GUSB: variants seen among roughly 807,000 people sequenced by gnomAD.
GUSB encodes the protein glucuronidase beta, also known as beta-glucuronidase.
GUSB carries 51 observed loss-of-function variants against 74.6 expected under a neutral mutation model. That is an observed-to-expected ratio of 0.68 (90% CI 0.55 to 0.86). GUSB has a LOEUF of 0.86. GUSB is among the 40% of genes least tolerant of loss of function. GUSB has a pLI of 0.00. For synonymous variants in GUSB, 360 were observed against 348.3 expected (o/e 1.03, Z -0.37); for missense variants, 736 against 853.7 (o/e 0.86, Z 1.72).
At chr7:65,973,594 G>C (rs991427822) in intron 8 of GUSB, among the ~76,000 whole-genome samples, 1 of 150,564 alleles carries the variant, frequency 6.6e-6, no homozygotes, top group East Asian at 2.0e-4. Flanking sequence ...TCATAAAAAG[G>C]AAAAAAGGAA....
chr7:65,975,035 A>C lies in GUSB; in HGVS notation c.949T>G (p.Ser317Ala). The C allele has an allele frequency of 6.2e-7, 1 of 1,613,568 alleles. No homozygotes were observed. The highest frequency in any genetic ancestry group is 1.7e-4 in the Middle Eastern group (1 of 6,004). Residue 317 changes from serine (S) to alanine (A), a missense_variant, in exon 6 of 12, where the codon TCT (serine) becomes GCT (alanine). Coordinates refer to ENST00000304895, the MANE Select transcript of GUSB (RefSeq NM_000181.4). Reference protein sequence around the residue: ...LTAQTSLGPVSDFYTLPVGIR... With the variant: ...LTAQTSLGPVADFYTLPVGIR... Reference sequence around the variant, plus strand: ...CCCACAGGGAGTGTGTAGAAGTCAGACACAGGCCCCAGTGACGTCTGTGCA... The same window carrying C: ...CCCACAGGGAGTGTGTAGAAGTCAGCCACAGGCCCCAGTGACGTCTGTGCA...
chr7:65,981,888 G>C, intron 1 of GUSB, 86 bp downstream of exon 1: 1 of 1,216,006 alleles, frequency 8.2e-7, no homozygotes, highest in Non-Finnish European at 1.1e-6. Context: ...GAGACGCCCA[G>C]GGGAAGAAGT....
intron 2 of GUSB, 39 bp downstream of exon 2, chr7:65,980,185 G>A (rs765956970): frequency 7.2e-5 from 52 of 727,160 alleles, no homozygotes; most frequent in South Asian, 1.2e-4. Context: ...CAGCAGCCGT[G>A]CCCCCCCACC....
chr7:65,962,913 C>CA (rs1193060385), intron 11 of GUSB, among the ~76,000 whole-genome samples: 1 of 151,930 alleles, frequency 6.6e-6, no homozygotes, highest in African/African-American at 2.4e-5. Context: ...AGCTGGAGTA[C>CA]AGTGCTGTGA....
intron 10 of GUSB, 34 bp from the exon 11 acceptor site, chr7:65,964,492 G>C (rs1266758027): frequency 6.2e-7 from 1 of 1,600,592 alleles, no homozygotes; most frequent in African/African-American, 1.3e-5. Flanking sequence ...GTAAGAGTCA[G>C]AACTGGCAGA....
chr7:65,971,235 A>G (rs563093350), intron 8 of GUSB, among the ~76,000 whole-genome samples: 1 of 152,310 alleles, frequency 6.6e-6, no homozygotes, highest in African/African-American at 2.4e-5. Flanking sequence ...GCATGGGGCT[A>G]GGTGCGAGGT....
chr7:65,976,000 C>T lies in GUSB; in HGVS notation c.912+15G>A. 6.2e-7 allele frequency: 1 copy of T among 1,611,510 alleles called. No individual in the cohort carries two copies. The highest frequency in any genetic ancestry group is 1.7e-4 in the Middle Eastern group (1 of 6,054). Reference sequence around the variant, plus strand: ...GCAAAAGACCTCCCTTAGGCATGTCCCAAACCACCATTACCTCCAATGAAT... The same window carrying T: ...GCAAAAGACCTCCCTTAGGCATGTCTCAAACCACCATTACCTCCAATGAAT... On this transcript the variant is annotated intron_variant, in intron 5 of 11. Transcript: ENST00000304895.
intron 7 of GUSB, 41 bp from the exon 8 acceptor site, chr7:65,974,482 C>A: frequency 6.2e-7 from 1 of 1,613,974 alleles, no homozygotes; most frequent in East Asian, 2.2e-5. Flanking sequence ...CACGGTGACG[C>A]CCCCGGGCTG....
chr7:65,981,987 C>T lies in GUSB; in HGVS notation c.197G>A (p.Arg66Gln). Reference sequence around the variant, plus strand: ...CCGAGATCGCACCTCCCACAGCGGCCGCCGGTACCACTGCTCCTCGAAGCC... The same window carrying T: ...CCGAGATCGCACCTCCCACAGCGGCTGCCGGTACCACTGCTCCTCGAAGCC... ...RRGFEEQWYR[R>Q]PLWESGPTVD... Residue 66 changes from arginine (R) to glutamine (Q), a missense_variant, in exon 1 of 12, where the codon CGG becomes CAG. Arg to Gln is a conservative substitution (Grantham distance 43). This residue lies in a region of GUSB where 368 missense variants were observed against 363.8 expected (regional missense o/e 1.01). Transcript: ENST00000304895. 1 of 1,607,794 alleles carries T rather than the reference C, an allele frequency of 6.2e-7. No homozygotes were observed. Among genetic ancestry groups the T allele is most frequent in the Non-Finnish European group, 8.5e-7 (1 of 1,178,928 alleles).
chr7:65,977,912 G>T (rs1356202836), intron 4 of GUSB, among the ~76,000 whole-genome samples: 1 of 151,974 alleles, frequency 6.6e-6, no homozygotes, highest in Admixed American at 6.6e-5. Flanking sequence ...CCAGGTTCAC[G>T]CCATTCTCCT....
At chr7:65,977,326 A>G (rs1479599967) in intron 4 of GUSB, among the ~76,000 whole-genome samples, 1 of 152,062 alleles carries the variant, frequency 6.6e-6, no homozygotes, top group Non-Finnish European at 1.5e-5. Flanking sequence ...GCAGGCTCAC[A>G]CCACAATGTC....
rs1880555 is a variant in GUSB at position 65,967,580 on chromosome 7, T to C, written c.1653+151A>G. ...AGTGAGTGGGGCACAGGCCTGGCTG[T>C]TGGCGGTGAGGGAACGTGGACGGGG... On this transcript the variant is annotated intron_variant, in intron 10 of 11. Transcript: ENST00000304895. 405,671 of 718,606 alleles carry C rather than the reference T, an allele frequency of 0.56. 118,645 individuals carry two copies. Among genetic ancestry groups the C allele is most frequent in the East Asian group, 0.86 (32,096 of 37,176 alleles). 44.5% of individuals were successfully genotyped at this position (718,606 alleles called of 1,614,324 possible).
rs147931764 is a variant in GUSB at position 65,970,983 on chromosome 7, G to A, written c.1392-617C>T. ...AGATGTATTTTACATAAGGGCATAT[G>A]ATCCTCTAGTCCTAGACCGAGCTCT... On this transcript the variant is annotated intron_variant, in intron 8 of 11. Coordinates refer to ENST00000304895, the MANE Select transcript of GUSB (RefSeq NM_000181.4). Among the ~76,000 whole-genome samples the A allele has an allele frequency of 1.5e-4, 23 of 151,660 alleles. No homozygotes were observed. In the East Asian group the frequency reaches 4.5e-3, roughly 29 times the overall value.
chr7:65,971,403 G>A (rs2115914756), intron 8 of GUSB, among the ~76,000 whole-genome samples: 1 of 152,234 alleles, frequency 6.6e-6, no homozygotes, highest in East Asian at 1.9e-4. Context: ...ACCAGCCTGG[G>A]CAACATAGCA....
chr7:65,976,306 T>C, intron 4 of GUSB, 104 bp from the exon 5 acceptor site: 2 of 777,712 alleles, frequency 2.6e-6, no homozygotes, highest in Non-Finnish European at 4.3e-6. Flanking sequence ...TTTGTTTCTG[T>C]TGCTTTTTTT....
intron 11 of GUSB, among the ~76,000 whole-genome samples, chr7:65,962,140 T>C (rs537720631): frequency 6.6e-6 from 1 of 152,206 alleles, no homozygotes; most frequent in Non-Finnish European, 1.5e-5. Flanking sequence ...GCCTTGGGCC[T>C]TTCTGAAGAG....
intron 4 of GUSB, among the ~76,000 whole-genome samples, chr7:65,977,688 C>A (rs1791673922): frequency 1.3e-5 from 2 of 151,884 alleles, no homozygotes; most frequent in African/African-American, 4.8e-5. Context: ...CCACACCCAG[C>A]CTAAATTCTT....
Position 65,961,035 on chromosome 7 carries a change from CTT to C in GUSB, c.1816_1817del (p.Lys606GlyfsTer26). ...QSPTRVLGNK[K>X]GIFTRQRQPK... The stretch of plus-strand genomic sequence containing the variant: ...GTTGTCTCTGCCGAGTGAAGATCCC[CTT>C]TTTATTCCCCAGCACTCTCGTCGGT... On this transcript the variant is annotated frameshift_variant, in exon 12 of 12. Coordinates refer to ENST00000304895, the MANE Select transcript of GUSB (RefSeq NM_000181.4). LOFTEE classifies it low-confidence loss of function (END_TRUNC). 6.2e-7 allele frequency: 1 copy of C among 1,612,876 alleles called. No individual in the cohort carries two copies. Among genetic ancestry groups the C allele is most frequent in the Non-Finnish European group, 8.5e-7 (1 of 1,179,754 alleles).
Position 65,982,031 on chromosome 7 carries a change from G to C in GUSB, c.153C>G (p.Phe51Leu). 6.2e-7 allele frequency: 1 copy of C among 1,610,646 alleles called. No homozygotes were observed. Among genetic ancestry groups the C allele is most frequent in the South Asian group, 1.1e-5 (1 of 90,866 alleles). Reference protein sequence around the residue: ...LDGLWSFRADFSDNRRRGFEE... With the variant: ...LDGLWSFRADLSDNRRRGFEE... The stretch of plus-strand genomic sequence containing the variant: ...CGAAGCCCCGGCGTCGGTTGTCAGA[G>C]AAGTCGGCGCGGAAGCTCCAGAGGC... Residue 51 changes from phenylalanine to leucine, a missense_variant, in exon 1 of 12, where the codon TTC (phenylalanine) becomes TTG (leucine). By Grantham distance (22) the Phe-to-Leu change is conservative (BLOSUM62 0). Transcript: ENST00000304895.
Sources: gnomAD v4.1 joint callset for allele counts (sites outside exome capture counted in the v4.1 genomes callset) on GRCh38, gnomAD v4.1.1 for gene constraint, gnomAD v4.1.1 regional missense constraint, MANE v1.5 for transcripts, NCBI Gene and HGNC (gene_info 2026-07-23, HGNC 2026-07-21) for gene names.